Variants in TNR observed in about 807,000 individuals in gnomAD.
The protein encoded by TNR is tenascin R.
In TNR, 45 loss-of-function variants were observed where a neutral mutation model predicts 150.4. That is an observed-to-expected ratio of 0.30 (90% CI 0.24 to 0.38). The LOEUF is 0.38. TNR is among the 10% of genes least tolerant of loss of function. The pLI is 1.00. For missense variants in TNR, 1,544 were observed against 1,759.1 expected, an observed-to-expected ratio of 0.88 and a Z score of 2.19; for synonymous variants, 687 against 678.4, an observed-to-expected ratio of 1.01 and a Z score of -0.20.
chr1:175,541,806 A>T (rs535075814), intron 1 of TNR, among the ~76,000 whole-genome samples: 2 of 152,178 alleles, frequency 1.3e-5, no homozygotes, highest in African/African-American at 4.8e-5. Flanking sequence ...TGAAACTGGT[A>T]AAGTCTCTCT....
At chr1:175,455,748 G>A (rs1490112153) in intron 2 of TNR, among the ~76,000 whole-genome samples, 3 of 152,182 alleles carry the variant, frequency 2.0e-5, no homozygotes, top group Admixed American at 1.3e-4. Flanking sequence ...AATGATCTTG[G>A]AAATAGTTTC....
chr1:175,409,570 T>A (rs1377106672), intron 2 of TNR, among the ~76,000 whole-genome samples: 1 of 152,176 alleles, frequency 6.6e-6, no homozygotes, highest in Non-Finnish European at 1.5e-5. Context: ...CGAAATCTTA[T>A]TCAAATGTAG....
intron 1 of TNR, among the ~76,000 whole-genome samples, chr1:175,725,295 T>C (rs979449363): frequency 6.6e-6 from 1 of 152,196 alleles, no homozygotes; most frequent in African/African-American, 2.4e-5. Flanking sequence ...ATATCCAACA[T>C]GTGCTTTCCA....
rs749073618 is a variant in TNR at position 175,362,754 on chromosome 1, G to T, written c.2763C>A (p.Thr921=). 1.5e-5 allele frequency: 24 copies of T among 1,614,024 alleles called. No individual in the cohort carries two copies. The highest frequency in any genetic ancestry group is 1.9e-5 in the Non-Finnish European group (22 of 1,180,008). ...VPNTVTEFTI[T]RLNPATEYEI... ...CGTATTCGGTAGCTGGGTTCAGTCT[G>T]GTGATGGTGAATTCTGTCACAGTGT... The change falls in exon 14 of 23, where the codon ACC becomes ACA. Residue 921 remains threonine, a synonymous_variant. Coordinates refer to ENST00000367674, the MANE Select transcript of TNR (RefSeq NM_003285.3).
rs370848548 is a variant in TNR, at chr1:175,379,503, G to A, written c.1963+49C>T. 8.1e-4 allele frequency: 1,263 copies of A among 1,551,526 alleles called. 4 individuals carry two copies. The highest frequency in any genetic ancestry group is 6.1e-4 in the Non-Finnish European group (691 of 1,134,298). On this transcript the variant is annotated intron_variant, in intron 9 of 22. Transcript: ENST00000367674. Reference sequence around the variant, plus strand: ...TGTAGGTTGGGGAGACAGCTGTGAGGGTATAGACTCAGCAACCAGCATAAC... The same window carrying A: ...TGTAGGTTGGGGAGACAGCTGTGAGAGTATAGACTCAGCAACCAGCATAAC...
chr1:175,331,047 T>TTCTTTCTTTCTG (rs1557867548), intron 20 of TNR, among the ~76,000 whole-genome samples: 27 of 91,082 alleles, frequency 3.0e-4, no homozygotes, highest in African/African-American at 9.8e-4. Flanking sequence ...CTTTCTTTCT[T>TTCTTTCTTTCTG]TCTTTCTTTC....
Position 175,669,796 on chromosome 1 carries a change from A to G in TNR, c.-165+73430T>C, listed in dbSNP as rs1665641048. On this transcript the variant is annotated intron_variant, in intron 1 of 22. Coordinates refer to ENST00000367674, the MANE Select transcript of TNR (RefSeq NM_003285.3). ...AGGAATGGGTGGTTCCCTTCCAAAT[A>G]CCAATCTGAGTCATTGGTTTAATGA... is the stretch of plus-strand genomic sequence containing the variant. Among the ~76,000 whole-genome samples, 3 of 152,118 alleles carry G rather than the reference A, an allele frequency of 2.0e-5. No individual in the cohort carries two copies. In the South Asian group the frequency reaches 6.2e-4, roughly 32 times the overall value.
At chr1:175,508,195 G>A (rs1347815832) in intron 2 of TNR, among the ~76,000 whole-genome samples, 1 of 152,114 alleles carries the variant, frequency 6.6e-6, no homozygotes, top group Admixed American at 6.5e-5. Flanking sequence ...GTTGATATGT[G>A]CAGCAAACCA....
At chr1:175,582,063 T>C (rs1662369744) in intron 1 of TNR, among the ~76,000 whole-genome samples, 3 of 152,226 alleles carry the variant, frequency 2.0e-5, no homozygotes, top group Non-Finnish European at 4.4e-5. Flanking sequence ...AAAGATTCTC[T>C]TTTTGGCTGC....
At chr1:175,736,911 C>T (rs899116109) in intron 1 of TNR, among the ~76,000 whole-genome samples, 1 of 152,020 alleles carries the variant, frequency 6.6e-6, no homozygotes. Flanking sequence ...GTCCCAGATC[C>T]TCAGGGGGCT....
At chr1:175,402,108 C>T (rs554954841) in intron 4 of TNR, among the ~76,000 whole-genome samples, 10 of 151,242 alleles carry the variant, frequency 6.6e-5, no homozygotes, top group Admixed American at 5.9e-4. Flanking sequence ...GAGATCGAGA[C>T]CATCCTGGCT....
intron 5 of TNR, among the ~76,000 whole-genome samples, chr1:175,396,135 C>T (rs1363548614): frequency 6.6e-6 from 1 of 152,216 alleles, no homozygotes; most frequent in African/African-American, 2.4e-5. Flanking sequence ...TTGCTATACA[C>T]TTATGGTCGA....
intron 1 of TNR, among the ~76,000 whole-genome samples, chr1:175,676,238 G>A (rs1665862384): frequency 6.6e-6 from 1 of 152,118 alleles, no homozygotes; most frequent in Non-Finnish European, 1.5e-5. Context: ...TAATCCCCAA[G>A]GCAAACCTGA....
intron 1 of TNR, among the ~76,000 whole-genome samples, chr1:175,650,751 CACCTGATTACTCCTCCTCCCCG>C (rs1664940061): frequency 3.7e-5 from 1 of 26,722 alleles, no homozygotes; most frequent in Non-Finnish European, 7.6e-5. Context: ...ACCCCTCTCC[CACCTGATTACTCCTCCTCCCCG>C]ACCTCATTAC....
intron 1 of TNR, among the ~76,000 whole-genome samples, chr1:175,679,562 ACAGACCATTAC>A (rs1281341050): frequency 8.5e-5 from 13 of 152,344 alleles, no homozygotes; most frequent in African/African-American, 3.1e-4. Flanking sequence ...AGATTATATC[ACAGACCATTAC>A]CAGCAAGCTA....
chr1:175,418,775 T>C (rs1264801906), intron 2 of TNR, among the ~76,000 whole-genome samples: 10 of 151,832 alleles, frequency 6.6e-5, no homozygotes, highest in African/African-American at 2.4e-4. Context: ...GAGTCATGTT[T>C]GTAGAAGGGC....
At chr1:175,448,243 A>G (rs774661367) in intron 2 of TNR, among the ~76,000 whole-genome samples, 3 of 151,782 alleles carry the variant, frequency 2.0e-5, no homozygotes, top group Non-Finnish European at 2.9e-5. Flanking sequence ...TTTGAGATGG[A>G]GTCTTGCTCT....
chr1:175,497,049 TA>T (rs566357470), intron 2 of TNR, among the ~76,000 whole-genome samples: 5 of 152,252 alleles, frequency 3.3e-5, no homozygotes, highest in Non-Finnish European at 7.3e-5. Flanking sequence ...ATCCTGAGGC[TA>T]AAAAGCTCAC....
At chr1:175,540,083 G>C (rs1660443218) in intron 1 of TNR, among the ~76,000 whole-genome samples, 1 of 152,188 alleles carries the variant, frequency 6.6e-6, no homozygotes, top group Non-Finnish European at 1.5e-5. Flanking sequence ...CTCAGATGTA[G>C]AGTGGGGAGG....
Sources: gnomAD v4.1 joint callset for allele counts (sites outside exome capture counted in the v4.1 genomes callset) on GRCh38, gnomAD v4.1.1 for gene constraint, MANE v1.5 for transcripts, NCBI Gene and HGNC (gene_info 2026-07-23, HGNC 2026-07-21) for gene names.